The following ARHGAP35 variants were observed in gnomAD, a reference collection of about 807,000 sequenced individuals.
The protein encoded by ARHGAP35 is Rho GTPase activating protein 35.
ARHGAP35 carries 15 observed loss-of-function variants against 111.1 expected under a neutral mutation model. The ratio of observed to expected loss-of-function variants is 0.13; its 90% CI spans 0.09 to 0.21. ARHGAP35 has a LOEUF of 0.21. ARHGAP35 is among the 10% of genes least tolerant of loss of function. ARHGAP35 has a pLI of 1.00. For synonymous variants in ARHGAP35, 643 were observed against 710.3 expected (o/e 0.91, Z 1.51); for missense variants, 1,262 against 1,873.0 (o/e 0.67, Z 6.02).
intron 5 of ARHGAP35, among the ~76,000 whole-genome samples, chr19:46,998,730 G>C (rs954815455): frequency 6.6e-6 from 1 of 152,246 alleles, no homozygotes; most frequent in African/African-American, 2.4e-5. Context: ...AAGTGTGGGC[G>C]TTGGGGGAAA....
chr19:46,907,021 T>C (rs965802796), intron 1 of ARHGAP35, among the ~76,000 whole-genome samples: 2 of 152,020 alleles, frequency 1.3e-5, no homozygotes, highest in Admixed American at 1.3e-4. Flanking sequence ...CCTGGGGAGG[T>C]TGAGGCTGCA....
chr19:46,962,837 C>G (rs749740888), intron 3 of ARHGAP35, among the ~76,000 whole-genome samples: 2 of 152,166 alleles, frequency 1.3e-5, no homozygotes, highest in Non-Finnish European at 2.9e-5. Flanking sequence ...TGGTCTCGAA[C>G]TCCTGACCTC....
Position 46,993,852 on chromosome 19 carries a change from G to T in ARHGAP35, c.4036+4177G>T, listed in dbSNP as rs2056692364. Among the ~76,000 whole-genome samples the T allele has an allele frequency of 6.6e-6, 1 of 152,048 alleles. No homozygotes were observed. The highest frequency in any genetic ancestry group is 1.5e-5 in the Non-Finnish European group (1 of 68,002). On this transcript the variant is annotated intron_variant, in intron 5 of 6. Coordinates refer to ENST00000672722, the MANE Select transcript of ARHGAP35 (RefSeq NM_004491.5). This position sits in a 1 kb window ranked among gnomAD's most constrained non-coding sequence, Gnocchi z 4.6. ...GTGGAGGCTGGGGTCTCCTCCATAG[G>T]CCACCTTCTCTCCCGGCCCACGCCC...
At chr19:46,977,790 C>T (rs1377443247) in intron 3 of ARHGAP35, among the ~76,000 whole-genome samples, 1 of 152,192 alleles carries the variant, frequency 6.6e-6, no homozygotes, top group Admixed American at 6.5e-5. Context: ...CATCTGTTTG[C>T]CACGTGGCTC....
chr19:46,941,819 CA>C (rs74419945), intron 3 of ARHGAP35, among the ~76,000 whole-genome samples: 84,440 of 145,082 alleles, frequency 0.58, 24,963 homozygotes, highest in Middle Eastern at 0.78. Flanking sequence ...CTTGGCCTCC[CA>C]AAGTGCTGGG....
chr19:46,987,198 CTTTTTTTTTTCTTTTTTTTCTTTTTTT>C (rs1445769245), intron 3 of ARHGAP35, among the ~76,000 whole-genome samples: 1 of 138,934 alleles, frequency 7.2e-6, no homozygotes, highest in African/African-American at 2.6e-5. Flanking sequence ...CCCTGTATCA[CTTTTTTTTTTCTTTTTTTTCTTTTTTT>C]TTTTTTTTTT....
chr19:46,861,356 C>G (rs945721237), intron 1 of ARHGAP35, among the ~76,000 whole-genome samples, 147 bp downstream of exon 1: 4 of 148,214 alleles, frequency 2.7e-5, no homozygotes, highest in African/African-American at 5.0e-5. Flanking sequence ...CCCCCCCCAG[C>G]CCCCCGGGCC....
At position 46,999,867 on chromosome 19, in the gene ARHGAP35, C is replaced by T; in HGVS notation, c.4142+458C>T. ...ACACTGCACCTCGAGAGATGTGCTGCAGGAGACAGCCAGCCTCCGGCATGG... is the reference window on the plus strand; with the variant it reads ...ACACTGCACCTCGAGAGATGTGCTGTAGGAGACAGCCAGCCTCCGGCATGG... On this transcript the variant is annotated intron_variant, in intron 6 of 6. Coordinates refer to ENST00000672722, the MANE Select transcript of ARHGAP35 (RefSeq NM_004491.5). This position sits in a 1 kb window ranked among gnomAD's most constrained non-coding sequence, Gnocchi z 5.4. 1.4e-5 allele frequency: 3 copies of T among 215,800 alleles called. No individual in the cohort carries two copies. Among genetic ancestry groups the T allele is most frequent in the Non-Finnish European group, 2.7e-5 (3 of 109,106 alleles). The allele number at this position is 215,800 out of a possible 1,614,324, so 13.4% of individuals were successfully genotyped here. A position where few individuals can be genotyped will look rare whatever the true frequency, so the allele number is the denominator to read the frequency against.
At chr19:46,957,438 AC>A (rs2056446247) in intron 3 of ARHGAP35, among the ~76,000 whole-genome samples, 1 of 151,664 alleles carries the variant, frequency 6.6e-6, no homozygotes, top group African/African-American at 2.4e-5. Flanking sequence ...ATATAGGGAA[AC>A]CCTGCCTGTA....
chr19:46,875,121 G>A (rs551427974), intron 1 of ARHGAP35, among the ~76,000 whole-genome samples: 1 of 151,946 alleles, frequency 6.6e-6, no homozygotes, highest in Non-Finnish European at 1.5e-5. Flanking sequence ...CCCATTTTGT[G>A]TTGGATAAGC....
chr19:46,889,117 G>C (rs961935459), intron 1 of ARHGAP35, among the ~76,000 whole-genome samples: 1 of 152,116 alleles, frequency 6.6e-6, no homozygotes, highest in South Asian at 2.1e-4. Context: ...TCAGGAGTTC[G>C]AGACCAGCCT....
intron 3 of ARHGAP35, among the ~76,000 whole-genome samples, chr19:46,954,886 T>C (rs1323302736): frequency 6.6e-6 from 1 of 152,228 alleles, no homozygotes; most frequent in Non-Finnish European, 1.5e-5. Flanking sequence ...TTTTCTTCTG[T>C]TACGGCTGTC....
rs573545828 is a variant in ARHGAP35 at position 46,942,660 on chromosome 19, T to A, written c.3826+5252T>A. Among the ~76,000 whole-genome samples the A allele has an allele frequency of 2.0e-5, 3 of 150,966 alleles. No individual in the cohort carries two copies. The East Asian group carries it at 5.8e-4, about 29-fold the overall frequency. ...TCCAAATAAATAAATAAATAAAGCA[T>A]GCATGCATGCCAGGCATAGTGGTGT... On this transcript the variant is annotated intron_variant, in intron 3 of 6. Coordinates refer to ENST00000672722, the MANE Select transcript of ARHGAP35 (RefSeq NM_004491.5).
chr19:46,875,502 C>T (rs1280336908), intron 1 of ARHGAP35, among the ~76,000 whole-genome samples: 1 of 152,074 alleles, frequency 6.6e-6, no homozygotes, highest in African/African-American at 2.4e-5. Context: ...ATTCCTCAAG[C>T]CATGTAGAGG....
intron 1 of ARHGAP35, among the ~76,000 whole-genome samples, chr19:46,870,448 G>A (rs971428833): frequency 3.3e-5 from 5 of 151,730 alleles, no homozygotes; most frequent in African/African-American, 4.8e-5. Context: ...GTGTGGTGGC[G>A]GGCGCCTGTA....
chr19:47,000,786 G>T lies in ARHGAP35; in HGVS notation c.*98G>T. ...CAAGTCCACTGGGGACAGAGGCAGGGGCAAGTGGCTCTCCCCATTACCTTC... is the reference window on the plus strand; with the variant it reads ...CAAGTCCACTGGGGACAGAGGCAGGTGCAAGTGGCTCTCCCCATTACCTTC... On this transcript the variant is annotated 3_prime_UTR_variant, in exon 7 of 7. Transcript: ENST00000672722. This position sits in a 1 kb window ranked among gnomAD's most constrained non-coding sequence, Gnocchi z 6.9. The T allele has an allele frequency of 6.5e-7, 1 of 1,541,718 alleles. No individual in the cohort carries two copies.
intron 3 of ARHGAP35, among the ~76,000 whole-genome samples, chr19:46,979,774 G>A (rs2056610653): frequency 6.6e-6 from 1 of 152,182 alleles, no homozygotes; most frequent in Non-Finnish European, 1.5e-5. Context: ...CATCGTAATA[G>A]AGTGTTAGTG....
chr19:46,921,811 C>T lies in ARHGAP35; in HGVS notation c.3136C>T (p.Pro1046Ser), dbSNP rs751999312. The T allele has an allele frequency of 6.2e-7, 1 of 1,613,828 alleles. No individual in the cohort carries two copies. The highest frequency in any genetic ancestry group is 1.3e-5 in the African/African-American group (1 of 74,906). Reference sequence around the variant, plus strand: ...ACCTCCGCCAGTCAAACCAAAGCCTCCTGTCCATTTTGAAATTACAAAGGG... The same window carrying T: ...ACCTCCGCCAGTCAAACCAAAGCCTTCTGTCCATTTTGAAATTACAAAGGG... ...KVPPPVKPKP[P>S]VHFEITKGDL... is the part of the protein sequence containing the mutation. The change falls in exon 2 of 7, where the codon CCT becomes TCT. Residue 1046 changes from proline to serine, a missense_variant. Pro to Ser is a moderately conservative substitution (Grantham distance 74). This residue lies in a region of ARHGAP35 where 579 missense variants were observed against 716.9 expected (regional missense o/e 0.81). Transcript: ENST00000672722. This position sits in a 1 kb window ranked among gnomAD's most constrained non-coding sequence, Gnocchi z 4.3.
chr19:46,862,629 C>T (rs554125306), intron 1 of ARHGAP35, among the ~76,000 whole-genome samples: 1 of 152,288 alleles, frequency 6.6e-6, no homozygotes, highest in East Asian at 1.9e-4. Flanking sequence ...GTGTTTCCCT[C>T]CCCAGCTCGG....
Sources: gnomAD v4.1 joint callset for allele counts (sites outside exome capture counted in the v4.1 genomes callset) on GRCh38, gnomAD v4.1.1 for gene constraint, gnomAD v4.1.1 regional missense constraint, Gnocchi (gnomAD v3.1) non-coding constraint, MANE v1.5 for transcripts, NCBI Gene and HGNC (gene_info 2026-07-23, HGNC 2026-07-21) for gene names.